Variants in NRG3 observed in about 807,000 individuals in gnomAD.
The protein encoded by NRG3 is neuregulin 3.
A neutral mutation model predicts 66.9 loss-of-function variants in NRG3; 31 were observed. The ratio of observed to expected loss-of-function variants is 0.46; its 90% CI spans 0.35 to 0.63. NRG3 has a LOEUF of 0.63. Among genes scored for constraint, NRG3 ranks in the 20% least tolerant of loss-of-function variants. NRG3 has a pLI of 0.00. For synonymous variants in NRG3, 393 were observed against 359.4 expected, an observed-to-expected ratio of 1.09 and a Z score of -1.06; for missense variants, 910 against 878.9, an observed-to-expected ratio of 1.04 and a Z score of -0.45.
At chr10:82,343,781 T>TC in intron 1 of NRG3, among the ~76,000 whole-genome samples, 1 of 151,890 alleles carries the variant, frequency 6.6e-6, no homozygotes, top group Non-Finnish European at 1.5e-5. Flanking sequence ...CTGAAAATTG[T>TC]CCCCCCAATG....
chr10:82,330,506 A>T (rs2082092397), intron 1 of NRG3, among the ~76,000 whole-genome samples: 1 of 152,202 alleles, frequency 6.6e-6, no homozygotes, highest in Non-Finnish European at 1.5e-5. Flanking sequence ...GAACTGTTCT[A>T]TTAATGGAAA....
intron 2 of NRG3, among the ~76,000 whole-genome samples, chr10:82,570,087 A>C (rs946475582): frequency 3.0e-4 from 45 of 151,646 alleles, no homozygotes; most frequent in African/African-American, 1.0e-3. Context: ...TGAGAATCTA[A>C]GCCAAATCCC....
chr10:82,972,381 A>T (rs1851852382), intron 6 of NRG3, among the ~76,000 whole-genome samples: 1 of 152,070 alleles, frequency 6.6e-6, no homozygotes, highest in African/African-American at 2.4e-5. Context: ...AATATCTTCC[A>T]GCCATGTTGA....
intron 2 of NRG3, among the ~76,000 whole-genome samples, chr10:82,602,150 T>C (rs1296299512): frequency 6.6e-6 from 1 of 151,750 alleles, no homozygotes; most frequent in Non-Finnish European, 1.5e-5. Flanking sequence ...TTTTAGGCAT[T>C]TTGTTATTAA....
chr10:82,439,350 A>C (rs1475807301), intron 2 of NRG3, among the ~76,000 whole-genome samples: 1 of 148,820 alleles, frequency 6.7e-6, no homozygotes, highest in East Asian at 2.0e-4. Context: ...TCTTTTATGT[A>C]ATTTTCAATA....
chr10:82,350,912 G>A (rs563744539), intron 1 of NRG3, among the ~76,000 whole-genome samples: 1 of 147,504 alleles, frequency 6.8e-6, no homozygotes, highest in Non-Finnish European at 1.5e-5. Context: ...TTTTTTTTTA[G>A]ATGGAGTCTT....
At chr10:82,207,832 A>G (rs1294450735) in intron 1 of NRG3, among the ~76,000 whole-genome samples, 1 of 152,130 alleles carries the variant, frequency 6.6e-6, no homozygotes, top group East Asian at 1.9e-4. Flanking sequence ...GCATGGGGAG[A>G]AACTGCCCCC....
At chr10:82,370,995 C>T (rs777958747) in intron 2 of NRG3, among the ~76,000 whole-genome samples, 5 of 151,998 alleles carry the variant, frequency 3.3e-5, no homozygotes, top group Non-Finnish European at 7.4e-5. Context: ...CATGCATATA[C>T]ACACAGTCTG....
At chr10:82,863,216 T>G (rs2064231357) in intron 3 of NRG3, among the ~76,000 whole-genome samples, 1 of 151,982 alleles carries the variant, frequency 6.6e-6, no homozygotes, top group Admixed American at 6.6e-5. Flanking sequence ...CTGCATAGTA[T>G]TCTATGGTGT....
intron 1 of NRG3, among the ~76,000 whole-genome samples, chr10:82,312,071 C>T (rs2081057390): frequency 6.6e-6 from 1 of 152,138 alleles, no homozygotes; most frequent in South Asian, 2.1e-4. Context: ...GCACAGAAGC[C>T]TGGTGCAGGC....
At chr10:82,165,668 T>C (rs1239773036) in intron 1 of NRG3, among the ~76,000 whole-genome samples, 1 of 152,092 alleles carries the variant, frequency 6.6e-6, no homozygotes, top group East Asian at 1.9e-4. Context: ...ATATTTGTTA[T>C]TTACTTCTTA....
intron 4 of NRG3, among the ~76,000 whole-genome samples, chr10:82,898,784 C>T (rs566087742): frequency 1.6e-5 from 2 of 126,502 alleles, no homozygotes; most frequent in Non-Finnish European, 3.1e-5. Flanking sequence ...TGCAGTTGTG[C>T]GATCTTGGCT....
At chr10:82,282,332 C>A (rs1170595220) in intron 1 of NRG3, among the ~76,000 whole-genome samples, 4 of 151,632 alleles carry the variant, frequency 2.6e-5, no homozygotes, top group Admixed American at 1.3e-4. Flanking sequence ...TCTGGGCCAC[C>A]AATTCACCTG....
chr10:82,460,097 C>T (rs1464688174), intron 2 of NRG3, among the ~76,000 whole-genome samples: 5 of 152,190 alleles, frequency 3.3e-5, no homozygotes, highest in Admixed American at 6.5e-5. Context: ...ACTTTCTTTA[C>T]AAGCCCGTTC....
In NRG3 at chr10:82,943,609, A is replaced by C. The variant is rs75641339; in HGVS notation, c.1055-7860A>C. On this transcript the variant is annotated intron_variant, in intron 4 of 8. Coordinates refer to ENST00000372141, the MANE Select transcript of NRG3 (RefSeq NM_001010848.4). ...GATCAACATATTTGCATTTTCTCTCATTTTGTTCTCTTCAGGATCCCAGAA... is the reference window on the plus strand; with the variant it reads ...GATCAACATATTTGCATTTTCTCTCCTTTTGTTCTCTTCAGGATCCCAGAA... Among the ~76,000 whole-genome samples, 1,234 of 152,292 alleles carry C rather than the reference A, an allele frequency of 8.1e-3. 21 individuals carry two copies. The highest frequency in any genetic ancestry group is 0.029 in the African/African-American group (1,193 of 41,570).
chr10:82,633,146 T>G (rs1161893606), intron 2 of NRG3, among the ~76,000 whole-genome samples: 1 of 152,180 alleles, frequency 6.6e-6, no homozygotes, highest in Non-Finnish European at 1.5e-5. Flanking sequence ...TTTCTTTAAA[T>G]TGGATGAAAA....
At chr10:82,967,023 GTTTC>G (rs1024265883) in intron 6 of NRG3, among the ~76,000 whole-genome samples, 1 of 151,686 alleles carries the variant, frequency 6.6e-6, no homozygotes, top group African/African-American at 2.4e-5. Flanking sequence ...GAAATAGCTA[GTTTC>G]TTTCTTTGCA....
intron 1 of NRG3, among the ~76,000 whole-genome samples, chr10:82,101,852 A>G (rs1266582859): frequency 6.6e-6 from 1 of 151,162 alleles, no homozygotes; most frequent in Non-Finnish European, 1.5e-5. Context: ...CTGTGGTTCA[A>G]GTCTCCCATA....
chr10:81,929,344 G>A (rs918705674), intron 1 of NRG3, among the ~76,000 whole-genome samples: 3 of 152,150 alleles, frequency 2.0e-5, no homozygotes, highest in Non-Finnish European at 2.9e-5. Context: ...TTGATCATGT[G>A]CCTAAGAATT....
Sources: gnomAD v4.1 joint callset for allele counts (sites outside exome capture counted in the v4.1 genomes callset) on GRCh38, gnomAD v4.1.1 for gene constraint, MANE v1.5 for transcripts, NCBI Gene and HGNC (gene_info 2026-07-23, HGNC 2026-07-21) for gene names.